Variants in C9 observed in about 807,000 individuals in gnomAD.
C9 encodes complement component C9.
In C9, 63 loss-of-function variants were observed where a neutral mutation model predicts 65.4. The ratio of observed to expected loss-of-function variants is 0.96; its 90% CI spans 0.79 to 1.19. C9 has a LOEUF of 1.19. Among genes scored for constraint, C9 ranks in the 50% most tolerant of loss-of-function variants. The probability of loss-of-function intolerance (pLI) is 0.00; values close to 1 mark genes in which losing one functional copy is unlikely to be tolerated. For synonymous variants in C9, 229 were observed against 227.9 expected (o/e 1.00, Z -0.04); for missense variants, 744 against 670.1 (o/e 1.11, Z -1.22).
chr5:39,329,259 CTAAT>C (rs976984696), intron 5 of C9, among the ~76,000 whole-genome samples: 46 of 152,170 alleles, frequency 3.0e-4, no homozygotes, highest in Non-Finnish European at 2.9e-5. Context: ...TGTGTGACCA[CTAAT>C]TATGTACCTA....
In C9 at chr5:39,346,293, AAG is replaced by A. The variant is rs1460946711; in HGVS notation, c.78-4099_78-4098del. ...CACTAGCAAGACTAATAAAGAAGAA[AAG>A]AGAGAAGAATCAAATAGATGCAACA... On this transcript the variant is annotated intron_variant, in intron 1 of 10. Coordinates refer to ENST00000263408, the MANE Select transcript of C9 (RefSeq NM_001737.5). Among the ~76,000 whole-genome samples the A allele has an allele frequency of 2.6e-5, 4 of 152,348 alleles. No individual in the cohort carries two copies. The East Asian group carries it at 7.7e-4, about 29-fold the overall frequency.
At chr5:39,289,829 A>G (rs1753056614) in intron 9 of C9, among the ~76,000 whole-genome samples, 4 of 151,908 alleles carry the variant, frequency 2.6e-5, no homozygotes, top group Admixed American at 1.3e-4. Context: ...TGGAAGTGTT[A>G]GGATTCTTAT....
intron 1 of C9, among the ~76,000 whole-genome samples, chr5:39,357,266 A>C (rs1754427467): frequency 6.6e-6 from 1 of 152,252 alleles, no homozygotes; most frequent in African/African-American, 2.4e-5. Context: ...GAGAAATATA[A>C]GCCAATTAGG....
Position 39,348,120 on chromosome 5 carries a change from C to A in C9, c.78-5924G>T, listed in dbSNP as rs191279487. Reference sequence around the variant, plus strand: ...AGGACATAGGCATGGGCAAGGACTTCATGTCTAAAACACCAAAAGCAATGG... The same window carrying A: ...AGGACATAGGCATGGGCAAGGACTTAATGTCTAAAACACCAAAAGCAATGG... On this transcript the variant is annotated intron_variant, in intron 1 of 10. Coordinates refer to ENST00000263408, the MANE Select transcript of C9 (RefSeq NM_001737.5). 4.9e-3 allele frequency among the ~76,000 whole-genome samples: 753 copies of A among 152,242 alleles called. 6 individuals carry two copies. The highest frequency in any genetic ancestry group is 0.017 in the African/African-American group (706 of 41,528).
intron 5 of C9, among the ~76,000 whole-genome samples, chr5:39,318,930 T>C (rs1197271911): frequency 1.3e-5 from 2 of 152,236 alleles, no homozygotes; most frequent in Non-Finnish European, 2.9e-5. Flanking sequence ...GATTTATTTC[T>C]AGTCAATCTC....
intron 5 of C9, among the ~76,000 whole-genome samples, chr5:39,325,365 T>C (rs1579859528): frequency 6.6e-6 from 1 of 152,190 alleles, no homozygotes; most frequent in African/African-American, 2.4e-5. Flanking sequence ...CTATTATCTA[T>C]AGAATATTTT....
At chr5:39,300,199 G>C (rs568036868) in intron 9 of C9, among the ~76,000 whole-genome samples, 1 of 152,102 alleles carries the variant, frequency 6.6e-6, no homozygotes, top group Non-Finnish European at 1.5e-5. Context: ...GATCATTTGA[G>C]GTCAGGAGTT....
chr5:39,333,554 ATCTCCC>A (rs369529307), intron 4 of C9, among the ~76,000 whole-genome samples: 3,965 of 116,146 alleles, frequency 0.034, 85 homozygotes, highest in Non-Finnish European at 0.052. Context: ...AAACACTTAT[ATCTCCC>A]TCTCCCTCTC....
At chr5:39,331,526 G>T in intron 5 of C9, 150 bp downstream of exon 5, 1 of 724,158 alleles carries the variant, frequency 1.4e-6, no homozygotes, top group Non-Finnish European at 2.5e-6. Context: ...TGTTTCTAAA[G>T]AGATCCAAAC....
In C9 at chr5:39,359,502, T is replaced by A. The variant is rs1011129607; in HGVS notation, c.77+4886A>T. ...TGTCAGAATATAAGAGGGTATTTCA[T>A]ACCACGAGACCGGATGCAAGGGAGT... On this transcript the variant is annotated intron_variant, in intron 1 of 10. Coordinates refer to ENST00000263408, the MANE Select transcript of C9 (RefSeq NM_001737.5). 4.6e-5 allele frequency among the ~76,000 whole-genome samples: 7 copies of A among 152,222 alleles called. No individual in the cohort carries two copies. In the South Asian group the frequency reaches 1.5e-3, roughly 32 times the overall value.
At chr5:39,289,620 A>G (rs1753053329) in intron 9 of C9, among the ~76,000 whole-genome samples, 1 of 151,806 alleles carries the variant, frequency 6.6e-6, no homozygotes, top group Admixed American at 6.6e-5. Flanking sequence ...GGGAGATAGA[A>G]GGACCTATGG....
At chr5:39,331,100 C>T (rs1347271454) in intron 5 of C9, among the ~76,000 whole-genome samples, 2 of 152,056 alleles carry the variant, frequency 1.3e-5, no homozygotes, top group Non-Finnish European at 2.9e-5. Context: ...AATATTAATC[C>T]TTTTAATGGT....
At chr5:39,298,046 C>T (rs955792249) in intron 9 of C9, among the ~76,000 whole-genome samples, 17 of 151,544 alleles carry the variant, frequency 1.1e-4, no homozygotes, top group Middle Eastern at 3.2e-3. Flanking sequence ...AATATTTACC[C>T]CATTAATTAC....
intron 1 of C9, among the ~76,000 whole-genome samples, chr5:39,363,604 A>T (rs984064257): frequency 2.6e-5 from 4 of 152,222 alleles, no homozygotes; most frequent in African/African-American, 9.6e-5. Context: ...AGAACGGATC[A>T]TCCTGTATTG....
chr5:39,293,426 C>T (rs1753130848), intron 9 of C9, among the ~76,000 whole-genome samples: 1 of 151,718 alleles, frequency 6.6e-6, no homozygotes, highest in Non-Finnish European at 1.5e-5. Context: ...TTATATCAGA[C>T]AAAGCAGACT....
At chr5:39,310,204 G>A (rs1022188258) in intron 7 of C9, among the ~76,000 whole-genome samples, 11 of 152,022 alleles carry the variant, frequency 7.2e-5, no homozygotes, top group South Asian at 4.1e-4. Context: ...AGGCTTTTAC[G>A]TCACAGTTAC....
chr5:39,353,247 G>C (rs887552827), intron 1 of C9, among the ~76,000 whole-genome samples: 1 of 152,192 alleles, frequency 6.6e-6, no homozygotes. Flanking sequence ...TTTTAGCCTA[G>C]TGAAACCTAA....
intron 1 of C9, among the ~76,000 whole-genome samples, chr5:39,355,397 C>A (rs1754397325): frequency 6.6e-6 from 1 of 152,182 alleles, no homozygotes; most frequent in African/African-American, 2.4e-5. Flanking sequence ...AATAATAGGA[C>A]CTCGTTGACT....
intron 4 of C9, among the ~76,000 whole-genome samples, chr5:39,333,451 C>T (rs1290828913): frequency 6.6e-6 from 1 of 152,220 alleles, no homozygotes. Context: ...CCCCTTCAAC[C>T]TGGCTATCCC....
Sources: gnomAD v4.1 joint callset for allele counts (sites outside exome capture counted in the v4.1 genomes callset) on GRCh38, gnomAD v4.1.1 for gene constraint, MANE v1.5 for transcripts, NCBI Gene and HGNC (gene_info 2026-07-23, HGNC 2026-07-21) for gene names.